The following ATXN7L1 variants were observed in gnomAD, a reference collection of about 807,000 sequenced individuals.
ATXN7L1 encodes ataxin-7-like protein 1.
In ATXN7L1, 15 loss-of-function variants were observed where a neutral mutation model predicts 70.8. The ratio of observed to expected loss-of-function variants is 0.21; its 90% CI spans 0.14 to 0.33. The LOEUF is 0.33. ATXN7L1 is among the 10% of genes least tolerant of loss of function. The pLI, the probability that ATXN7L1 is intolerant of heterozygous loss-of-function variation, is 1.00. For missense variants in ATXN7L1, 975 were observed against 1,097.1 expected, an observed-to-expected ratio of 0.89 and a Z score of 1.57; for synonymous variants, 440 against 445.1, an observed-to-expected ratio of 0.99 and a Z score of 0.14.
At chr7:105,662,051 C>G (rs201214763) in intron 4 of ATXN7L1, among the ~76,000 whole-genome samples, 3,236 of 91,974 alleles carry the variant, frequency 0.035, 98 homozygotes, top group East Asian at 0.19. Context: ...TCCTTCCTTC[C>G]TTCCTTCCTT....
intron 2 of ATXN7L1, among the ~76,000 whole-genome samples, chr7:105,833,337 G>A (rs903885535): frequency 2.0e-5 from 3 of 152,136 alleles, no homozygotes; most frequent in Non-Finnish European, 4.4e-5. Context: ...CGTAGGTGCC[G>A]TAAAGGCAGG....
chr7:105,719,575 C>A (rs538249), intron 3 of ATXN7L1, among the ~76,000 whole-genome samples: 102,613 of 151,988 alleles, frequency 0.68, 35,669 homozygotes, highest in East Asian at 1. Flanking sequence ...CAGCTTCCTC[C>A]TAACTGCAGC....
chr7:105,799,527 TG>T (rs1806504556), intron 2 of ATXN7L1, among the ~76,000 whole-genome samples: 1 of 90,472 alleles, frequency 1.1e-5, no homozygotes, highest in Admixed American at 1.2e-4. Context: ...CTGTGGCACT[TG>T]TTAGTGTTTC....
intron 3 of ATXN7L1, among the ~76,000 whole-genome samples, chr7:105,731,751 A>AAGAAAAGAAAAGAAAAGAAAAG (rs879917761): frequency 0.17 from 15,804 of 94,054 alleles, 1,533 homozygotes; most frequent in South Asian, 0.25. Context: ...ACTCCTTAAA[A>AAGAAAAGAAAAGAAAAGAAAAG]AGAAAAGAAA....
chr7:105,629,434 T>C (rs1005379902), intron 7 of ATXN7L1, among the ~76,000 whole-genome samples: 16 of 150,198 alleles, frequency 1.1e-4, no homozygotes, highest in African/African-American at 3.9e-4. Context: ...GATGGCAGGA[T>C]GTCCTTCTTC....
intron 2 of ATXN7L1, among the ~76,000 whole-genome samples, chr7:105,845,171 T>C (rs2893576): frequency 0.2 from 24,474 of 123,760 alleles, 2,470 homozygotes; most frequent in East Asian, 0.53. Context: ...CACCAGTGCA[T>C]TCCAGCCTGT....
At chr7:105,807,587 GC>G (rs1807800965) in intron 2 of ATXN7L1, among the ~76,000 whole-genome samples, 1 of 152,196 alleles carries the variant, frequency 6.6e-6, no homozygotes, top group African/African-American at 2.4e-5. Context: ...ACTTACTTTG[GC>G]CAACAGACCA....
At chr7:105,869,908 T>G (rs542538427) in intron 2 of ATXN7L1, among the ~76,000 whole-genome samples, 1 of 152,328 alleles carries the variant, frequency 6.6e-6, no homozygotes, top group African/African-American at 2.4e-5. Flanking sequence ...TTCTTAGCCA[T>G]AGGCCATATA....
chr7:105,702,736 T>C lies in ATXN7L1; in HGVS notation c.356-37448A>G, dbSNP rs144561454. ...GGCTCATGCCTGTAATCCCAGCACG[T>C]TGGGAGACCAAGGCAGGCGGATCAC... On this transcript the variant is annotated intron_variant, in intron 3 of 11. Transcript: ENST00000419735. Among the ~76,000 whole-genome samples the C allele has an allele frequency of 5.4e-3, 821 of 152,296 alleles. 6 individuals are homozygous for C. Among genetic ancestry groups the C allele is most frequent in the African/African-American group, 0.019 (774 of 41,552 alleles).
At chr7:105,784,290 C>G (rs1404026691) in intron 3 of ATXN7L1, among the ~76,000 whole-genome samples, 1 of 152,060 alleles carries the variant, frequency 6.6e-6, no homozygotes, top group Admixed American at 6.6e-5. Flanking sequence ...ATTGTCGGAA[C>G]TGAATTAAAT....
intron 2 of ATXN7L1, among the ~76,000 whole-genome samples, chr7:105,792,828 G>T (rs541453101): frequency 1.3e-5 from 2 of 152,140 alleles, no homozygotes; most frequent in East Asian, 3.9e-4. Context: ...AATAAAAACG[G>T]GCAAAAAAGT....
At chr7:105,685,693 A>C (rs1328609214) in intron 3 of ATXN7L1, among the ~76,000 whole-genome samples, 1 of 152,188 alleles carries the variant, frequency 6.6e-6, no homozygotes, top group Non-Finnish European at 1.5e-5. Flanking sequence ...GCAGGTGATG[A>C]AGGGCCGTGA....
chr7:105,725,443 A>G (rs1584841916), intron 3 of ATXN7L1, among the ~76,000 whole-genome samples: 2 of 152,154 alleles, frequency 1.3e-5, no homozygotes, highest in East Asian at 3.8e-4. Flanking sequence ...ATCTATTTGA[A>G]TCCTTCCTTA....
intron 3 of ATXN7L1, among the ~76,000 whole-genome samples, chr7:105,746,077 A>G (rs1798554148): frequency 6.6e-6 from 1 of 151,300 alleles, no homozygotes; most frequent in Non-Finnish European, 1.5e-5. Flanking sequence ...GTTCTCTCAC[A>G]CTCCATATCC....
At chr7:105,695,599 G>A (rs1435323389) in intron 3 of ATXN7L1, among the ~76,000 whole-genome samples, 1 of 152,202 alleles carries the variant, frequency 6.6e-6, no homozygotes, top group African/African-American at 2.4e-5. Context: ...CCTGACAGCT[G>A]TACATTATGA....
At chr7:105,608,996 A>T (rs1357696410) in intron 11 of ATXN7L1, among the ~76,000 whole-genome samples, 3 of 152,112 alleles carry the variant, frequency 2.0e-5, no homozygotes, top group African/African-American at 4.8e-5. Context: ...CTCCATTGAG[A>T]AAATCATTTA....
chr7:105,657,156 C>T (rs1800787345), intron 4 of ATXN7L1, among the ~76,000 whole-genome samples: 1 of 152,186 alleles, frequency 6.6e-6, no homozygotes, highest in Admixed American at 6.5e-5. Flanking sequence ...ATGGAACGAA[C>T]TTGGGCAGGG....
chr7:105,656,071 A>G (rs995137138), intron 4 of ATXN7L1, among the ~76,000 whole-genome samples: 10 of 152,168 alleles, frequency 6.6e-5, no homozygotes, highest in African/African-American at 2.4e-4. Context: ...TCCTCCTCCT[A>G]CCTCCTCTCT....
At chr7:105,760,387 CA>C in intron 3 of ATXN7L1, 1 of 962,838 alleles carries the variant, frequency 1.0e-6, no homozygotes. Context: ...AGAGGATCTG[CA>C]ATTTATTTAA....
Sources: gnomAD v4.1 joint callset for allele counts (sites outside exome capture counted in the v4.1 genomes callset) on GRCh38, gnomAD v4.1.1 for gene constraint, MANE v1.5 for transcripts, NCBI Gene and HGNC (gene_info 2026-07-23, HGNC 2026-07-21) for gene names.